The following SMCO2 variants were observed in gnomAD, a reference collection of about 807,000 sequenced individuals.
SMCO2 encodes the protein single-pass membrane and coiled-coil domain-containing protein 2.
SMCO2 carries 25 observed loss-of-function variants against 29.5 expected under a neutral mutation model. That is an observed-to-expected ratio of 0.85 (90% CI 0.62 to 1.18). SMCO2 has a LOEUF of 1.18. SMCO2 is among the 50% of genes most tolerant of loss of function. SMCO2 has a pLI of 0.00. For missense variants in SMCO2, 348 were observed against 344.5 expected, an observed-to-expected ratio of 1.01 and a Z score of -0.08; for synonymous variants, 117 against 123.3, an observed-to-expected ratio of 0.95 and a Z score of 0.34.
At chr12:27,471,454 C>T (rs1403947142) in intron 2 of SMCO2, among the ~76,000 whole-genome samples, 1 of 152,200 alleles carries the variant, frequency 6.6e-6, no homozygotes, top group Middle Eastern at 3.4e-3. Context: ...ACAACACCTC[C>T]ACCCTCTAGG....
chr12:27,423,980 G>A, the SMCO2 span: 1 of 152,154 alleles, frequency 6.6e-6, no homozygotes, highest in Non-Finnish European at 1.5e-5. Flanking sequence ...ACCAGATTTT[G>A]AAGACTAGTA....
chr12:27,433,089 C>T, the SMCO2 span, among the ~76,000 whole-genome samples: 2 of 152,092 alleles, frequency 1.3e-5, no homozygotes, highest in Admixed American at 1.3e-4. Flanking sequence ...TCGTAACTAT[C>T]TTGTGGAATT....
intron 4 of SMCO2, among the ~76,000 whole-genome samples, chr12:27,486,288 G>A (rs1311787402): frequency 6.6e-6 from 1 of 152,154 alleles, no homozygotes; most frequent in African/African-American, 2.4e-5. Context: ...TCTACTCCAT[G>A]TGGCCTCCCT....
chr12:27,442,205 A>G, the SMCO2 span, among the ~76,000 whole-genome samples: 1 of 152,172 alleles, frequency 6.6e-6, no homozygotes, highest in Non-Finnish European at 1.5e-5. Context: ...GATATAATAA[A>G]AATCAGAGCA....
intron 1 of SMCO2, among the ~76,000 whole-genome samples, chr12:27,469,530 C>T (rs1218466079): frequency 1.3e-5 from 2 of 152,138 alleles, no homozygotes; most frequent in African/African-American, 4.8e-5. Context: ...ATCACCCTTG[C>T]AGAAAAATGC....
At chr12:27,496,885 T>A (rs1210709140) in intron 7 of SMCO2, 3 of 151,142 alleles carry the variant, frequency 2.0e-5, no homozygotes, top group Non-Finnish European at 4.4e-5. Flanking sequence ...AAAGCATGAA[T>A]CTTATCTTCG....
chr12:27,462,093 G>C (rs1282913973), upstream of SMCO2, among the ~76,000 whole-genome samples: 2 of 152,136 alleles, frequency 1.3e-5, no homozygotes, highest in Non-Finnish European at 2.9e-5. Flanking sequence ...TGAACATTTG[G>C]TAATAGAGAT....
chr12:27,487,753 CTTT>C (rs143131425), intron 4 of SMCO2, among the ~76,000 whole-genome samples: 13 of 129,410 alleles, frequency 1.0e-4, no homozygotes, highest in Non-Finnish European at 2.0e-4. Context: ...TCTTTTCTTT[CTTT>C]TTTTTTTTTT....
the SMCO2 span, among the ~76,000 whole-genome samples, chr12:27,446,297 A>G: frequency 6.6e-6 from 1 of 152,128 alleles, no homozygotes; most frequent in Admixed American, 6.5e-5. Flanking sequence ...AGAGAGATGG[A>G]GGAGGGAGAG....
At chr12:27,493,641 G>A (rs993987960) in intron 5 of SMCO2, among the ~76,000 whole-genome samples, 1 of 152,118 alleles carries the variant, frequency 6.6e-6, no homozygotes, top group Non-Finnish European at 1.5e-5. Flanking sequence ...TATCCTGAAC[G>A]TCTCTTAGTG....
At chr12:27,435,470 G>T in the SMCO2 span, among the ~76,000 whole-genome samples, 6 of 150,320 alleles carry the variant, frequency 4.0e-5, no homozygotes, top group East Asian at 9.8e-4. Flanking sequence ...TCTCCTGTTT[G>T]TTCTTTATCT....
rs1414542147 is a variant in SMCO2, at chr12:27,474,821, C to G, written c.270C>G (p.Asp90Glu). 4.4e-5 allele frequency: 69 copies of G among 1,551,590 alleles called. 1 individual carries two copies. The highest frequency in any genetic ancestry group is 6.0e-5 in the Non-Finnish European group (69 of 1,146,864). Reference sequence around the variant, plus strand: ...AGCTAGAGGCTGAGCATGACCAGGACCTGAGTAAACAGGATAAGCAAGAAA... The same window carrying G: ...AGCTAGAGGCTGAGCATGACCAGGAGCTGAGTAAACAGGATAAGCAAGAAA... Residue 90 changes from aspartate to glutamate, a missense_variant, in exon 4 of 8, where the codon GAC (aspartate) becomes GAG (glutamate). Transcript: ENST00000298876.
At chr12:27,497,975 A>G (rs1592220968) in intron 7 of SMCO2, 1 of 318,464 alleles carries the variant, frequency 3.1e-6, no homozygotes, top group East Asian at 8.6e-5. Context: ...GAAGTTTAAT[A>G]TATGTTCAGA....
At chr12:27,456,835 T>G in the SMCO2 span, among the ~76,000 whole-genome samples, 1 of 152,146 alleles carries the variant, frequency 6.6e-6, no homozygotes, top group Non-Finnish European at 1.5e-5. Context: ...TATTAGGACC[T>G]GGGCCGCACA....
At chr12:27,489,741 AAG>A (rs1027293326) in intron 5 of SMCO2, among the ~76,000 whole-genome samples, 8 of 152,202 alleles carry the variant, frequency 5.3e-5, no homozygotes, top group African/African-American at 1.9e-4. Context: ...TGTGAGTTGA[AAG>A]AGTTTTTTTC....
At chr12:27,467,024 C>A (rs915807221) in intron 1 of SMCO2, 2 of 152,084 alleles carry the variant, frequency 1.3e-5, no homozygotes, top group Non-Finnish European at 1.5e-5. Flanking sequence ...TTGTCAGGAG[C>A]CTATAGTGAC....
At chr12:27,492,677 A>T (rs1191999557) in intron 5 of SMCO2, among the ~76,000 whole-genome samples, 1 of 152,232 alleles carries the variant, frequency 6.6e-6, no homozygotes, top group Non-Finnish European at 1.5e-5. Flanking sequence ...AAAAGTCAAA[A>T]AATAACAGAT....
chr12:27,467,870 C>T (rs1376465651), intron 1 of SMCO2, among the ~76,000 whole-genome samples: 2 of 152,144 alleles, frequency 1.3e-5, no homozygotes, highest in East Asian at 1.9e-4. Flanking sequence ...GAGGAAACAA[C>T]TTAGTGAAAG....
At chr12:27,483,891 A>G (rs1949665865) in intron 4 of SMCO2, among the ~76,000 whole-genome samples, 1 of 152,196 alleles carries the variant, frequency 6.6e-6, no homozygotes, top group African/African-American at 2.4e-5. Flanking sequence ...TCTGTACTGA[A>G]TATAAGCCCA....
Sources: allele counts gnomAD v4.1 joint callset (sites outside exome capture counted in the v4.1 genomes callset), GRCh38; gene constraint gnomAD v4.1.1; transcripts MANE v1.5; gene names NCBI Gene and HGNC (gene_info 2026-07-23, HGNC 2026-07-21).